The following C2orf42 variants were observed in gnomAD, a reference collection of about 807,000 sequenced individuals.
The protein encoded by C2orf42 is chromosome 2 open reading frame 42.
C2orf42 carries 44 observed loss-of-function variants against 58.9 expected under a neutral mutation model. The observed-to-expected ratio is 0.75, with a 90% CI of 0.59 to 0.96. The LOEUF (loss-of-function observed/expected upper bound fraction) is 0.96. C2orf42 is among the 40% of genes least tolerant of loss of function. The pLI is 0.00. For missense variants in C2orf42, 630 were observed against 699.2 expected (o/e 0.90, Z 1.12); for synonymous variants, 239 against 265.4 (o/e 0.90, Z 0.97).
At chr2:70,166,047 C>T (rs1188841568) in intron 6 of C2orf42, among the ~76,000 whole-genome samples, 13 of 151,858 alleles carry the variant, frequency 8.6e-5, no homozygotes, top group Non-Finnish European at 1.6e-4. Flanking sequence ...TGCACCACCA[C>T]GCCTGGCTAA....
chr2:70,159,891 G>A (rs1672946215), intron 9 of C2orf42, among the ~76,000 whole-genome samples: 1 of 152,004 alleles, frequency 6.6e-6, no homozygotes, highest in East Asian at 1.9e-4. Context: ...TTAATATTAA[G>A]TATATTAAAA....
At position 70,177,279 on chromosome 2, in the gene C2orf42, G is replaced by GAA. The variant is rs11385051; in HGVS notation, c.935-1504_935-1503dup. Among the ~76,000 whole-genome samples the GAA allele has an allele frequency of 5.8e-3, 807 of 139,988 alleles. 5 individuals carry two copies. The highest frequency in any genetic ancestry group is 0.011 in the Middle Eastern group (3 of 268). The allele number at this position is 139,988 out of a possible 152,430, so 91.8% of individuals were successfully genotyped here. Reference sequence around the variant, plus strand: ...AAGAGCCGAACTCCACCTCAAAAAAGAAAAAAAAAAAATAGCCAAGCGTGG... The same window carrying GAA: ...AAGAGCCGAACTCCACCTCAAAAAAGAAAAAAAAAAAAAATAGCCAAGCGTGG... On this transcript the variant is annotated intron_variant, in intron 4 of 9. Transcript: ENST00000264434.
intron 9 of C2orf42, among the ~76,000 whole-genome samples, chr2:70,154,858 C>T (rs963114278): frequency 5.3e-5 from 8 of 152,176 alleles, no homozygotes; most frequent in Non-Finnish European, 1.0e-4. Flanking sequence ...AGGGCCCAAG[C>T]GATCCTCCCA....
intron 5 of C2orf42, among the ~76,000 whole-genome samples, chr2:70,171,350 A>G (rs1388028483): frequency 6.6e-6 from 1 of 152,174 alleles, no homozygotes; most frequent in Non-Finnish European, 1.5e-5. Flanking sequence ...ATTCCTGATG[A>G]ACATGTATCC....
chr2:70,185,368 A>G (rs1674860814), intron 1 of C2orf42, among the ~76,000 whole-genome samples: 1 of 151,720 alleles, frequency 6.6e-6, no homozygotes, highest in Admixed American at 6.6e-5. Flanking sequence ...AGATCACGCC[A>G]TTGCACTCCA....
chr2:70,151,640 C>A (rs1672317180), intron 9 of C2orf42, among the ~76,000 whole-genome samples: 1 of 151,684 alleles, frequency 6.6e-6, no homozygotes, highest in Admixed American at 6.6e-5. Context: ...CCTCAAAAAA[C>A]ACCCCCAAAA....
chr2:70,167,823 G>C (rs1020748539), intron 6 of C2orf42, among the ~76,000 whole-genome samples: 6 of 152,158 alleles, frequency 3.9e-5, no homozygotes, highest in Non-Finnish European at 8.8e-5. Flanking sequence ...CTGGACAAAG[G>C]TGGTAGTAAT....
At chr2:70,152,629 G>A (rs1572959443) in intron 9 of C2orf42, among the ~76,000 whole-genome samples, 1 of 152,308 alleles carries the variant, frequency 6.6e-6, no homozygotes, top group East Asian at 1.9e-4. Context: ...AGCAGCAAAT[G>A]AGCAGCGCCA....
chr2:70,189,752 C>T (rs1249764090), intron 1 of C2orf42, among the ~76,000 whole-genome samples: 3 of 148,424 alleles, frequency 2.0e-5, no homozygotes, highest in African/African-American at 5.0e-5. Context: ...AGTAGCTGGA[C>T]GTGGTGGCTC....
intron 5 of C2orf42, among the ~76,000 whole-genome samples, chr2:70,172,347 G>C (rs1397398877): frequency 6.6e-6 from 1 of 151,280 alleles, no homozygotes; most frequent in African/African-American, 2.4e-5. Context: ...CCAAATTCAA[G>C]AGCCTTCCAC....
intron 3 of C2orf42, among the ~76,000 whole-genome samples, chr2:70,180,125 C>T (rs554163261): frequency 6.6e-6 from 1 of 151,710 alleles, no homozygotes; most frequent in African/African-American, 2.4e-5. Context: ...AACCTCATCT[C>T]TACTAAAAAT....
At chr2:70,154,414 TAA>T (rs36028499) in intron 9 of C2orf42, among the ~76,000 whole-genome samples, 1,404 of 25,436 alleles carry the variant, frequency 0.055, 24 homozygotes, top group African/African-American at 0.17. Flanking sequence ...AAATTTTTAC[TAA>T]AAAAAAAAAA....
chr2:70,178,064 C>A (rs1234866726), intron 4 of C2orf42, among the ~76,000 whole-genome samples: 2 of 151,954 alleles, frequency 1.3e-5, no homozygotes, highest in Non-Finnish European at 1.5e-5. Context: ...AACAAACAAA[C>A]AAAAAAACAC....
chr2:70,182,118 T>C (rs74804018), intron 2 of C2orf42, 121 bp from the exon 3 acceptor site: 2 of 598,802 alleles, frequency 3.3e-6, no homozygotes, highest in East Asian at 5.7e-5. Flanking sequence ...TTTTTTTTTT[T>C]AGACGGAGTC....
chr2:70,150,284 A>T lies in C2orf42; in HGVS notation c.*72T>A. On this transcript the variant is annotated 3_prime_UTR_variant, in exon 10 of 10. Transcript: ENST00000264434. ...AGGAACAGGGCCATCTAAGTGCCTA[A>T]CTAGCATTTAAAGTTGTCAAGGGGT... 7.6e-7 allele frequency: 1 copy of T among 1,314,914 alleles called. No homozygotes were observed. Among genetic ancestry groups the T allele is most frequent in the South Asian group, 1.2e-5 (1 of 84,902 alleles). 81.5% of individuals were successfully genotyped at this position (1,314,914 alleles called of 1,614,324 possible).
chr2:70,164,414 A>G (rs1264185541), intron 8 of C2orf42, among the ~76,000 whole-genome samples: 4 of 152,110 alleles, frequency 2.6e-5, no homozygotes, highest in Non-Finnish European at 4.4e-5. Flanking sequence ...TGGGAGGATC[A>G]TGAGGTCAGG....
chr2:70,158,086 C>G (rs1378461841), intron 9 of C2orf42, among the ~76,000 whole-genome samples: 1 of 151,732 alleles, frequency 6.6e-6, no homozygotes, highest in Non-Finnish European at 1.5e-5. Flanking sequence ...GTAATCCCAG[C>G]TACTCAGGAG....
At chr2:70,162,021 T>G (rs1302909984) in intron 8 of C2orf42, among the ~76,000 whole-genome samples, 1 of 151,466 alleles carries the variant, frequency 6.6e-6, no homozygotes, top group African/African-American at 2.4e-5. Context: ...CTTTTTTTCT[T>G]TTTTTTTGGA....
At chr2:70,177,439 G>A (rs1386498329) in intron 4 of C2orf42, among the ~76,000 whole-genome samples, 1 of 152,008 alleles carries the variant, frequency 6.6e-6, no homozygotes, top group African/African-American at 2.4e-5. Context: ...CCAAAAAAAG[G>A]GGAAAGACTA....
Sources: allele counts gnomAD v4.1 joint callset (sites outside exome capture counted in the v4.1 genomes callset), GRCh38; gene constraint gnomAD v4.1.1; transcripts MANE v1.5; gene names NCBI Gene and HGNC (gene_info 2026-07-23, HGNC 2026-07-21).